Variants in CDH4 observed in about 807,000 individuals in gnomAD.
CDH4 encodes the protein cadherin-4.
CDH4 carries 33 observed loss-of-function variants against 86.0 expected under a neutral mutation model. The observed-to-expected ratio is 0.38, with a 90% CI of 0.29 to 0.51. CDH4 has a LOEUF of 0.51. Among genes scored for constraint, CDH4 ranks in the 20% least tolerant of loss-of-function variants. The probability of loss-of-function intolerance (pLI) is 0.86; values close to 1 mark genes in which losing one functional copy is unlikely to be tolerated. For synonymous variants in CDH4, 555 were observed against 549.4 expected (o/e 1.01, Z -0.14); for missense variants, 1,114 against 1,307.4 (o/e 0.85, Z 2.28).
chr20:61,506,035 G>C (rs1405901045), intron 2 of CDH4, among the ~76,000 whole-genome samples: 1 of 152,188 alleles, frequency 6.6e-6, no homozygotes, highest in African/African-American at 2.4e-5. Flanking sequence ...TGGGATTTGA[G>C]AGTCATTTGC....
chr20:61,576,115 C>T (rs544498553), intron 2 of CDH4, among the ~76,000 whole-genome samples: 2 of 152,306 alleles, frequency 1.3e-5, no homozygotes, highest in South Asian at 4.1e-4. Flanking sequence ...GCAGTGTGGG[C>T]TCCGAATCAA....
intron 2 of CDH4, among the ~76,000 whole-genome samples, chr20:61,705,561 G>A (rs777362703): frequency 2.0e-4 from 30 of 152,100 alleles, no homozygotes; most frequent in Non-Finnish European, 2.2e-4. Context: ...CAGCTGGTCC[G>A]TTCCTGCCAC....
intron 2 of CDH4, among the ~76,000 whole-genome samples, chr20:61,337,744 AT>A (rs1331358484): frequency 1.3e-5 from 2 of 151,950 alleles, no homozygotes; most frequent in African/African-American, 4.8e-5. Flanking sequence ...AATCTGTAAG[AT>A]TTCTATTTCT....
At chr20:61,832,608 G>A (rs1015754107) in intron 4 of CDH4, among the ~76,000 whole-genome samples, 85 of 152,260 alleles carry the variant, frequency 5.6e-4, no homozygotes, top group African/African-American at 1.9e-3. Context: ...AGAGAAGTGC[G>A]AGCAGGGGAC....
chr20:61,481,753 C>T (rs1012290567), intron 2 of CDH4, among the ~76,000 whole-genome samples: 8 of 151,922 alleles, frequency 5.3e-5, no homozygotes, highest in East Asian at 1.9e-4. Flanking sequence ...TCAAAAGAAT[C>T]GTAGTTTGTC....
At chr20:61,881,040 G>A (rs1208684563) in intron 7 of CDH4, among the ~76,000 whole-genome samples, 6 of 152,218 alleles carry the variant, frequency 3.9e-5, no homozygotes, top group African/African-American at 1.2e-4. Context: ...GCCACTTCCT[G>A]CCAAGAGGTC....
chr20:61,870,814 G>A (rs1189281969), intron 6 of CDH4, among the ~76,000 whole-genome samples: 6 of 152,162 alleles, frequency 3.9e-5, no homozygotes, highest in African/African-American at 9.7e-5. Flanking sequence ...TCACTTGCTC[G>A]GGGATTCCTG....
chr20:61,837,500 G>A (rs1172174504), intron 4 of CDH4, among the ~76,000 whole-genome samples: 2 of 152,150 alleles, frequency 1.3e-5, no homozygotes, highest in African/African-American at 4.8e-5. Context: ...CTTCAGAATG[G>A]GCTCTGTGAG....
At chr20:61,298,803 T>C (rs1407758589) in intron 2 of CDH4, among the ~76,000 whole-genome samples, 1 of 79,390 alleles carries the variant, frequency 1.3e-5, no homozygotes, top group Non-Finnish European at 2.7e-5. Context: ...AATGTATCGC[T>C]GGTGAGAGTC....
At chr20:61,817,425 A>G (rs1034151215) in intron 4 of CDH4, among the ~76,000 whole-genome samples, 1 of 150,442 alleles carries the variant, frequency 6.6e-6, no homozygotes, top group Non-Finnish European at 1.5e-5. Context: ...AGGCTTCCCC[A>G]CCCCCCAAAT....
At chr20:61,468,654 CTT>C (rs1304689086) in intron 2 of CDH4, among the ~76,000 whole-genome samples, 1 of 152,088 alleles carries the variant, frequency 6.6e-6, no homozygotes, top group Non-Finnish European at 1.5e-5. Flanking sequence ...ATTCTAACTA[CTT>C]TTTTGTACCC....
intron 2 of CDH4, among the ~76,000 whole-genome samples, chr20:61,456,928 C>T (rs979555297): frequency 6.6e-6 from 1 of 152,142 alleles, no homozygotes; most frequent in Admixed American, 6.5e-5. Context: ...AGCTTGGATT[C>T]ACAATGGGGT....
chr20:61,867,073 G>A (rs982197883), intron 6 of CDH4, among the ~76,000 whole-genome samples: 2 of 152,218 alleles, frequency 1.3e-5, no homozygotes, highest in Non-Finnish European at 2.9e-5. Context: ...GGAGAGAGAC[G>A]GGTGGAGGCT....
intron 2 of CDH4, among the ~76,000 whole-genome samples, chr20:61,566,868 G>A (rs539173745): frequency 3.3e-5 from 5 of 152,226 alleles, no homozygotes; most frequent in African/African-American, 1.2e-4. Flanking sequence ...GCGGGAGGCT[G>A]CCGATGGCAC....
chr20:61,478,731 C>G (rs1254447947), intron 2 of CDH4, among the ~76,000 whole-genome samples: 1 of 152,200 alleles, frequency 6.6e-6, no homozygotes, highest in Non-Finnish European at 1.5e-5. Flanking sequence ...ATGCAGAAGA[C>G]CTAGAAACTA....
chr20:61,308,090 G>A (rs912035713), intron 2 of CDH4, among the ~76,000 whole-genome samples: 1 of 152,200 alleles, frequency 6.6e-6, no homozygotes, highest in Admixed American at 6.5e-5. Context: ...TACAAGGAAC[G>A]TGTGAAACTG....
chr20:61,356,773 A>C (rs1477962780), intron 2 of CDH4, among the ~76,000 whole-genome samples: 1 of 152,276 alleles, frequency 6.6e-6, no homozygotes, highest in Admixed American at 6.5e-5. Context: ...TTTTTAAAAA[A>C]TTAAGCCAAA....
intron 4 of CDH4, among the ~76,000 whole-genome samples, chr20:61,830,838 C>T (rs1981571759): frequency 6.6e-6 from 1 of 152,234 alleles, no homozygotes; most frequent in Non-Finnish European, 1.5e-5. Flanking sequence ...TGCTGAGTCT[C>T]GGAGCTGCAG....
In CDH4 at chr20:61,544,589, C is replaced by T. The variant is rs1453924561; in HGVS notation, c.170-198974C>T. 1.3e-5 allele frequency among the ~76,000 whole-genome samples: 2 copies of T among 151,824 alleles called. No homozygotes were observed. Among genetic ancestry groups the T allele is most frequent in the Admixed American group, 6.6e-5 (1 of 15,252 alleles). On this transcript the variant is annotated intron_variant, in intron 2 of 15. Coordinates refer to ENST00000614565, the MANE Select transcript of CDH4 (RefSeq NM_001794.5). This position sits in a 1 kb window ranked among gnomAD's most constrained non-coding sequence, Gnocchi z 6.5. ...ATCCCTGCGTTGACGGTGGCATGAC[C>T]GTGTGTGATGGGATGTGCCGGGGGC...
Sources: allele counts gnomAD v4.1 joint callset (sites outside exome capture counted in the v4.1 genomes callset), GRCh38; gene constraint gnomAD v4.1.1; non-coding constraint Gnocchi (gnomAD v3.1); transcripts MANE v1.5; gene names NCBI Gene and HGNC (gene_info 2026-07-23, HGNC 2026-07-21).